ZNF90: variants seen among roughly 807,000 people sequenced by gnomAD.
The protein encoded by ZNF90 is zinc finger protein 90.
In ZNF90, 11 loss-of-function variants were observed where a neutral mutation model predicts 12.0. The ratio of observed to expected loss-of-function variants is 0.92; its 90% CI spans 0.58 to 1.52. The LOEUF (loss-of-function observed/expected upper bound fraction) is 1.52, where lower values mean the gene tolerates loss of function less well. ZNF90 is among the 40% of genes most tolerant of loss of function. The probability of loss-of-function intolerance (pLI) is 0.00; values close to 1 mark genes in which losing one functional copy is unlikely to be tolerated. For synonymous variants in ZNF90, 232 were observed against 240.1 expected (o/e 0.97, Z 0.31); for missense variants, 765 against 711.5 (o/e 1.08, Z -0.86).
Position 20,078,152 on chromosome 19 carries a change from A to G in ZNF90, c.3+17A>G. On this transcript the variant is annotated intron_variant, in intron 1 of 3. Transcript: ENST00000418063. ...CTAGAAATGGTGAGAGTGCCTTTCC[A>G]GCATTCCGAGAGAGGGGAGGGACTG... is the stretch of plus-strand genomic sequence containing the variant. The G allele has an allele frequency of 6.2e-7, 1 of 1,614,108 alleles. No homozygotes were observed. Among genetic ancestry groups the G allele is most frequent in the Admixed American group, 1.7e-5 (1 of 60,016 alleles).
chr19:20,117,518 A>G (rs1400319881), intron 3 of ZNF90: 3 of 907,304 alleles, frequency 3.3e-6, no homozygotes, highest in African/African-American at 1.8e-5. Context: ...GGTCACCGCA[A>G]TCTCCGCCTC....
chr19:20,105,196 A>G (rs1555704262), intron 2 of ZNF90, 25 bp from the exon 3 acceptor site: 2 of 1,553,142 alleles, frequency 1.3e-6, no homozygotes, highest in Non-Finnish European at 8.8e-7. Flanking sequence ...AGGAAGATTC[A>G]TGTTATTTAT....
chr19:20,106,619 A>G (rs1382203957), intron 3 of ZNF90, among the ~76,000 whole-genome samples: 2 of 152,074 alleles, frequency 1.3e-5, no homozygotes, highest in Non-Finnish European at 2.9e-5. Context: ...ACGCCCAGCT[A>G]ATTTTTTGTA....
intron 3 of ZNF90, 57 bp downstream of exon 3, chr19:20,105,373 A>T: frequency 1.4e-6 from 2 of 1,395,064 alleles, no homozygotes; most frequent in Non-Finnish European, 2.0e-6. Context: ...TCCCAAGGTC[A>T]AAGAGAAAGC....
rs1448592868 is a variant in ZNF90, at chr19:20,119,127, A to T, written c.1573A>T (p.Ser525Cys). The part of the protein sequence containing the change: ...GKAFKRSSVL[S>C]KHKIIHTGAK... ...AGCCTTCAAGCGCTCCTCAGTCCTTAGTAAACATAAGATAATTCATACTGG... is the reference window on the plus strand; with the variant it reads ...AGCCTTCAAGCGCTCCTCAGTCCTTTGTAAACATAAGATAATTCATACTGG... The change falls in exon 4 of 4, where the codon AGT becomes TGT. Residue 525 changes from serine to cysteine, a missense_variant. Coordinates refer to ENST00000418063, the MANE Select transcript of ZNF90 (RefSeq NM_007138.2). The T allele has an allele frequency of 1.9e-6, 3 of 1,613,016 alleles. No homozygotes were observed. Among genetic ancestry groups the T allele is most frequent in the African/African-American group, 2.7e-5 (2 of 74,842 alleles).
At chr19:20,092,979 T>G (rs1247354491) in intron 1 of ZNF90, among the ~76,000 whole-genome samples, 2 of 152,096 alleles carry the variant, frequency 1.3e-5, no homozygotes, top group Non-Finnish European at 2.9e-5. Flanking sequence ...GGGCTGTCCC[T>G]GAAACCCTGC....
chr19:20,113,122 C>A (rs556461014), intron 3 of ZNF90, among the ~76,000 whole-genome samples: 1 of 151,946 alleles, frequency 6.6e-6, no homozygotes, highest in Non-Finnish European at 1.5e-5. Context: ...AATATTATCC[C>A]TGTAGTTTTG....
chr19:20,104,211 T>C, intron 1 of ZNF90, 28 bp from the exon 2 acceptor site: 4 of 1,605,664 alleles, frequency 2.5e-6, no homozygotes, highest in Non-Finnish European at 3.4e-6. Flanking sequence ...TTGGTAAAAA[T>C]GTGTGTGTGT....
In ZNF90 at chr19:20,105,274, C is replaced by A. The variant is rs2083393008; in HGVS notation, c.184C>A (p.Pro62Thr). ...CACCTGTCTGGAGCAAGGAAAAAAA[C>A]CCTTCACTGTGAAGAGACATGAGAT... ...LITCLEQGKK[P>T]FTVKRHEMIA... Residue 62 changes from proline (P) to threonine (T), a missense_variant, in exon 3 of 4, where the codon CCC (proline) becomes ACC (threonine). Transcript: ENST00000418063. 4.4e-6 allele frequency: 7 copies of A among 1,608,106 alleles called. No homozygotes were observed. The highest frequency in any genetic ancestry group is 5.9e-6 in the Non-Finnish European group (7 of 1,176,858).
At chr19:20,110,128 T>C (rs964911577) in intron 3 of ZNF90, among the ~76,000 whole-genome samples, 1 of 152,246 alleles carries the variant, frequency 6.6e-6, no homozygotes, top group Non-Finnish European at 1.5e-5. Flanking sequence ...CTTTTTAAGG[T>C]GGAATAATAT....
chr19:20,084,592 T>C (rs1188482390), intron 1 of ZNF90, among the ~76,000 whole-genome samples: 2 of 151,990 alleles, frequency 1.3e-5, no homozygotes, highest in African/African-American at 2.4e-5. Context: ...TTTGAACTAA[T>C]TTACACTCCC....
chr19:20,118,191 T>G lies in ZNF90; in HGVS notation c.637T>G (p.Ser213Ala), dbSNP rs1555705953. ...AGAATGTGGCAAAGCCTTCAACAGG[T>G]CCTCACACCTTACTTCACATAAGAG... ...CEECGKAFNR[S>A]SHLTSHKRIH... Residue 213 changes from serine to alanine, a missense_variant, in exon 4 of 4, where the codon TCC becomes GCC. Transcript: ENST00000418063. 1 of 1,612,410 alleles carries G rather than the reference T, an allele frequency of 6.2e-7. No individual in the cohort carries two copies. The highest frequency in any genetic ancestry group is 1.7e-5 in the Admixed American group (1 of 59,652).
chr19:20,085,898 A>AT (rs1296807100), intron 1 of ZNF90, among the ~76,000 whole-genome samples: 3 of 151,872 alleles, frequency 2.0e-5, no homozygotes, highest in Non-Finnish European at 4.4e-5. Context: ...TATTTTTTTC[A>AT]TTTTTAGTCC....
chr19:20,109,122 T>G (rs2122514638), intron 3 of ZNF90, among the ~76,000 whole-genome samples: 1 of 152,334 alleles, frequency 6.6e-6, no homozygotes, highest in East Asian at 1.9e-4. Context: ...TAAGTCAATT[T>G]GAGGTTTAGC....
At chr19:20,079,163 T>G (rs1483153942) in intron 1 of ZNF90, among the ~76,000 whole-genome samples, 2 of 152,020 alleles carry the variant, frequency 1.3e-5, no homozygotes, top group African/African-American at 4.8e-5. Context: ...TTTCCATCCT[T>G]TATGTAAACA....
At chr19:20,113,589 G>C (rs1555705372) in intron 3 of ZNF90, among the ~76,000 whole-genome samples, 1 of 151,974 alleles carries the variant, frequency 6.6e-6, no homozygotes. Context: ...CAGCACTTTG[G>C]GAGGCCAAGA....
chr19:20,104,350 C>A lies in ZNF90; in HGVS notation c.115C>A (p.His39Asn), dbSNP rs782181545. 4.8e-5 allele frequency: 78 copies of A among 1,613,630 alleles called. No homozygotes were observed. The Middle Eastern group carries it at 8.2e-4, about 17-fold the overall frequency. ...YRDVMLENYRHLVFLGIVVTK... is the reference protein window; with the variant it reads ...YRDVMLENYRNLVFLGIVVTK... ...GGATGTGATGTTAGAGAACTACAGA[C>A]ACCTGGTCTTCCTTGGTGAGGATAA... Residue 39 changes from histidine (H) to asparagine (N), a missense_variant, in exon 2 of 4, where the codon CAC (histidine) becomes AAC (asparagine). Physicochemically the swap from His to Asn is moderately conservative, Grantham distance 68 (BLOSUM62 1). Transcript: ENST00000418063.
intron 1 of ZNF90, among the ~76,000 whole-genome samples, chr19:20,093,776 G>A (rs181979121): frequency 2.3e-4 from 35 of 152,260 alleles, no homozygotes; most frequent in Middle Eastern, 3.4e-3. Flanking sequence ...GGTAGCCCCC[G>A]TATCGATTAA....
At chr19:20,087,537 C>T (rs917225695) in intron 1 of ZNF90, 8 of 152,462 alleles carry the variant, frequency 5.2e-5, no homozygotes, top group African/African-American at 1.9e-4. Context: ...ACCCAGGAGG[C>T]CTGCAGGCTC....
Sources: allele counts gnomAD v4.1 joint callset (sites outside exome capture counted in the v4.1 genomes callset), GRCh38; gene constraint gnomAD v4.1.1; transcripts MANE v1.5; gene names NCBI Gene and HGNC (gene_info 2026-07-23, HGNC 2026-07-21).